OR4A15: variants seen among roughly 807,000 people sequenced by gnomAD.
OR4A15 encodes the protein olfactory receptor 4A15.
For synonymous variants in OR4A15, 240 were observed against 135.6 expected, an observed-to-expected ratio of 1.77 and a Z score of -5.35; for missense variants, 657 against 374.7, an observed-to-expected ratio of 1.75 and a Z score of -6.22.
At chr11:55,368,168 A>G in exon 1 of OR4A15, 1 of 1,613,044 alleles carries the variant, frequency 6.2e-7, no homozygotes, top group African/African-American at 1.3e-5. Context: ...CTTCTTTATC[A>G]TTCATAGATA....
At chr11:55,368,837 G>A (rs200386534) in exon 1 of OR4A15, 2 of 1,613,296 alleles carry the variant, frequency 1.2e-6, no homozygotes, top group Admixed American at 1.7e-5. Flanking sequence ...ATACCCTGAA[G>A]AATGCAGAAA....
Position 55,368,105 on chromosome 11 carries a change from A to G in OR4A15, c.132A>G (p.Ile44Met), listed in dbSNP as rs780870502. 9.3e-6 allele frequency: 15 copies of G among 1,612,926 alleles called. No homozygotes were observed. The highest frequency in any genetic ancestry group is 1.3e-5 in the African/African-American group (1 of 74,906). The change falls in exon 1 of 1, where the codon ATA becomes ATG. Residue 44 changes from isoleucine (I) to methionine (M), a missense_variant. Coordinates refer to ENST00000641526, the Ensembl canonical transcript of OR4A15. ...CGATAATGGGCAACCTGCTTATCAT[A>G]GTGACCATCATGGCCAGCCAGTCCC...
chr11:55,368,506 A>G (rs779166257), exon 1 of OR4A15: 4 of 1,612,542 alleles, frequency 2.5e-6, no homozygotes, highest in Non-Finnish European at 3.4e-6. Flanking sequence ...TTCCTGTGTG[A>G]TTTGTATCCC....
chr11:55,368,800 T>C, exon 1 of OR4A15: 1 of 1,613,346 alleles, frequency 6.2e-7, no homozygotes, highest in Non-Finnish European at 8.5e-7. Flanking sequence ...CTAACTTTTA[T>C]AACTCCCATG....
At position 55,368,071 on chromosome 11, in the gene OR4A15, A is replaced by G. The variant is rs761034288; in HGVS notation, c.98A>G (p.Tyr33Cys). The G allele has an allele frequency of 7.4e-6, 12 of 1,613,300 alleles. No homozygotes were observed. The East Asian group carries it at 2.5e-4, about 33-fold the overall frequency. The change falls in exon 1 of 1, where the codon TAC becomes TGC. Residue 33 changes from tyrosine to cysteine, a missense_variant. Transcript: ENST00000641526. ...TTATTTGTCACATTCTTACTAATCT[A>G]CATGGTGACGATAATGGGCAACCTG... is the stretch of plus-strand genomic sequence containing the variant.
At chr11:55,368,107 T>C (rs1315180115) in exon 1 of OR4A15, 3 of 1,613,018 alleles carry the variant, frequency 1.9e-6, no homozygotes, top group Non-Finnish European at 1.7e-6. Context: ...CTTATCATAG[T>C]GACCATCATG....
At chr11:55,368,736 T>G in exon 1 of OR4A15, 2 of 1,613,812 alleles carry the variant, frequency 1.2e-6, no homozygotes, top group Non-Finnish European at 1.7e-6. Context: ...CTGTATCTTC[T>G]TGTATGCAAG....
chr11:55,368,257 G>A (rs1853879777), exon 1 of OR4A15: 3 of 1,613,816 alleles, frequency 1.9e-6, no homozygotes, highest in South Asian at 1.1e-5. Context: ...TTTCAGGGTT[G>A]TATGGCTCAA....
chr11:55,368,653 G>A, exon 1 of OR4A15: 2 of 1,613,692 alleles, frequency 1.2e-6, no homozygotes, highest in Non-Finnish European at 1.7e-6. Context: ...AAGACTCAGA[G>A]TTTGGAAGGG....
chr11:55,368,032 AG>A lies in OR4A15; in HGVS notation c.63del (p.Gln22LysfsTer10). ...CTCTTAGGGCTCACACAGAACCCTG[AG>A]GGGCAAAAGGTTTTATTTGTCACAT... On this transcript the variant is annotated frameshift_variant, in exon 1 of 1. Coordinates refer to ENST00000641526, the Ensembl canonical transcript of OR4A15. LOFTEE classifies it low-confidence loss of function (END_TRUNC). The A allele has an allele frequency of 6.2e-7, 1 of 1,613,570 alleles. No individual in the cohort carries two copies. Among genetic ancestry groups the A allele is most frequent in the South Asian group, 1.1e-5 (1 of 91,070 alleles).
exon 1 of OR4A15, chr11:55,368,541 A>T: frequency 1.2e-6 from 2 of 1,613,366 alleles, no homozygotes; most frequent in Non-Finnish European, 1.7e-6. Flanking sequence ...TTGCACCAAT[A>T]CCTATGTCAC....
At position 55,368,542 on chromosome 11, in the gene OR4A15, C is replaced by T. The variant is rs527634296; in HGVS notation, c.569C>T (p.Thr190Ile). The change falls in exon 1 of 1, where the codon ACC (threonine) becomes ATC (isoleucine). Residue 190 changes from threonine (T) to isoleucine (I), a missense_variant. Thr to Ile is a moderately conservative substitution (Grantham distance 89). Transcript: ENST00000641526. Reference sequence around the variant, plus strand: ...TTATTGAAACTTGCTTGCACCAATACCTATGTCACTGGGCTTTCTATGATA... The same window carrying T: ...TTATTGAAACTTGCTTGCACCAATATCTATGTCACTGGGCTTTCTATGATA... 10 of 1,613,284 alleles carry T rather than the reference C, an allele frequency of 6.2e-6. No individual in the cohort carries two copies. Among genetic ancestry groups the T allele is most frequent in the African/African-American group, 4.0e-5 (3 of 75,006 alleles).
At chr11:55,368,477 A>G in exon 1 of OR4A15, 1 of 1,610,720 alleles carries the variant, frequency 6.2e-7, no homozygotes, top group Non-Finnish European at 8.5e-7. Context: ...CTTTCTGTGG[A>G]CCCAATGTCA....
exon 1 of OR4A15, chr11:55,368,820 C>T: frequency 1.2e-6 from 2 of 1,613,314 alleles, no homozygotes; most frequent in Non-Finnish European, 1.7e-6. Flanking sequence ...GCTGAACCCA[C>T]TAATCTATAC....
chr11:55,368,220 T>C (rs199498114), exon 1 of OR4A15: 9 of 1,613,668 alleles, frequency 5.6e-6, no homozygotes, highest in African/African-American at 2.7e-5. Context: ...GATTGTTGAC[T>C]TGCTCTCTGA....
chr11:55,368,409 G>T (rs1481944937), exon 1 of OR4A15: 5 of 1,613,502 alleles, frequency 3.1e-6, no homozygotes, highest in South Asian at 1.1e-5. Flanking sequence ...GCTGTTGGCG[G>T]CCTGGATTGG....
chr11:55,368,776 C>T (rs181465364), exon 1 of OR4A15: 1 of 1,613,636 alleles, frequency 6.2e-7, no homozygotes, highest in Non-Finnish European at 8.5e-7. Context: ...ATTGATAAAT[C>T]CATGACTGTA....
exon 1 of OR4A15, chr11:55,368,465 C>G (rs759394538): frequency 6.2e-7 from 1 of 1,610,634 alleles, no homozygotes; most frequent in Admixed American, 1.7e-5. Flanking sequence ...TTTATCAGCT[C>G]CCTTTCTGTG....
chr11:55,368,019 AC>A lies in OR4A15; in HGVS notation c.47del (p.Thr16AsnfsTer16), dbSNP rs1404799988. ...GACTGAATTTATCCTCTTAGGGCTC[AC>A]ACAGAACCCTGAGGGGCAAAAGGTT... On this transcript the variant is annotated frameshift_variant, in exon 1 of 1. Coordinates refer to ENST00000641526, the Ensembl canonical transcript of OR4A15. LOFTEE classifies it low-confidence loss of function (END_TRUNC). 6.2e-7 allele frequency: 1 copy of A among 1,613,478 alleles called. No homozygotes were observed. The highest frequency in any genetic ancestry group is 1.7e-5 in the Admixed American group (1 of 59,866).
Sources: gnomAD v4.1 joint callset for allele counts on GRCh38, gnomAD v4.1.1 for gene constraint, MANE v1.5 for transcripts, NCBI Gene and HGNC (gene_info 2026-07-23, HGNC 2026-07-21) for gene names.